CADPS: variants seen among roughly 807,000 people sequenced by gnomAD.
CADPS encodes calcium-dependent secretion activator 1.
Under a neutral mutation model 167.3 loss-of-function variants are expected in CADPS, and 57 were observed. The observed-to-expected ratio is 0.34, with a 90% CI of 0.28 to 0.42. The LOEUF is 0.42. Ranked by LOEUF, CADPS falls within the 20% of genes least tolerant of loss-of-function variation. The probability of loss-of-function intolerance (pLI) is 1.00; values close to 1 mark genes in which losing one functional copy is unlikely to be tolerated. For synonymous variants in CADPS, 676 were observed against 635.3 expected, an observed-to-expected ratio of 1.06 and a Z score of -0.96; for missense variants, 1,414 against 1,738.1, an observed-to-expected ratio of 0.81 and a Z score of 3.32.
At chr3:62,798,494 C>T (rs1576557543) in intron 1 of CADPS, among the ~76,000 whole-genome samples, 2 of 152,218 alleles carry the variant, frequency 1.3e-5, no homozygotes, top group African/African-American at 4.8e-5. Context: ...GGACTGGCTT[C>T]CTTTCTCCTC....
chr3:62,797,036 T>C (rs1004881433), intron 1 of CADPS, among the ~76,000 whole-genome samples: 1 of 152,210 alleles, frequency 6.6e-6, no homozygotes. Flanking sequence ...TTTCCTTTAT[T>C]CTAAGAGAAA....
chr3:62,712,069 A>G (rs1315192842), intron 3 of CADPS, among the ~76,000 whole-genome samples: 1 of 152,168 alleles, frequency 6.6e-6, no homozygotes, highest in Non-Finnish European at 1.5e-5. Context: ...TGACTACACA[A>G]AATTTCAACG....
At chr3:62,510,213 T>TCTATCTAC (rs2067513614) in intron 17 of CADPS, among the ~76,000 whole-genome samples, 1 of 151,748 alleles carries the variant, frequency 6.6e-6, no homozygotes, top group African/African-American at 2.4e-5. Flanking sequence ...TATCTATCTA[T>TCTATCTAC]CTATCTATCT....
chr3:62,603,198 T>C (rs939539686), intron 6 of CADPS, among the ~76,000 whole-genome samples: 2 of 152,188 alleles, frequency 1.3e-5, no homozygotes, highest in African/African-American at 4.8e-5. Context: ...GCACACTCAA[T>C]AGGCATTTGC....
At chr3:62,560,048 G>C (rs1320377383) in intron 9 of CADPS, among the ~76,000 whole-genome samples, 1 of 150,904 alleles carries the variant, frequency 6.6e-6, no homozygotes, top group Non-Finnish European at 1.5e-5. Flanking sequence ...CCCTCTTCTG[G>C]TTATATTGCT....
rs143413222 is a variant in CADPS, at chr3:62,442,465, C to T, written c.3669+3300G>A. On this transcript the variant is annotated intron_variant, in intron 27 of 29. Coordinates refer to ENST00000383710, the MANE Select transcript of CADPS (RefSeq NM_003716.4). ...AACTCCTGAACTCAGGTGATCCACC[C>T]ACCTTGGCCTCCCAAAGTGCTGGTA... Among the ~76,000 whole-genome samples the T allele has an allele frequency of 3.3e-3, 502 of 152,218 alleles. 19 individuals carry two copies. The East Asian group carries it at 0.076, about 23-fold the overall frequency.
At chr3:62,763,025 A>G (rs2085903871) in intron 2 of CADPS, among the ~76,000 whole-genome samples, 1 of 152,144 alleles carries the variant, frequency 6.6e-6, no homozygotes, top group Non-Finnish European at 1.5e-5. Flanking sequence ...TGCTGAGCAT[A>G]TATTCCCCGT....
intron 3 of CADPS, among the ~76,000 whole-genome samples, chr3:62,750,355 A>G (rs2082428952): frequency 7.3e-6 from 1 of 137,294 alleles, no homozygotes; most frequent in Admixed American, 7.1e-5. Context: ...TTAAGCTCCA[A>G]AAAAAAAAAA....
chr3:62,801,112 A>G (rs114341610), intron 1 of CADPS, among the ~76,000 whole-genome samples: 201 of 152,278 alleles, frequency 1.3e-3, no homozygotes, highest in African/African-American at 4.7e-3. Flanking sequence ...TAGAGTGGGC[A>G]TTATACCACA....
At chr3:62,855,019 G>C (rs1022299237) in intron 1 of CADPS, among the ~76,000 whole-genome samples, 10 of 151,028 alleles carry the variant, frequency 6.6e-5, no homozygotes, top group African/African-American at 2.4e-4. Context: ...CCACCTCCTG[G>C]GTTCAAGCAA....
Position 62,421,744 on chromosome 3 carries a change from A to G in CADPS, c.3777+16360T>C, listed in dbSNP as rs2051449297. Reference sequence around the variant, plus strand: ...AGATTTCATAATAATATTGTGTGTGAGGCTGGAGACGCATTTGGAGTTCTT... The same window carrying G: ...AGATTTCATAATAATATTGTGTGTGGGGCTGGAGACGCATTTGGAGTTCTT... On this transcript the variant is annotated intron_variant, in intron 28 of 29. Coordinates refer to ENST00000383710, the MANE Select transcript of CADPS (RefSeq NM_003716.4). This position sits in a 1 kb window ranked among gnomAD's most constrained non-coding sequence, Gnocchi z 4.7. Among the ~76,000 whole-genome samples the G allele has an allele frequency of 6.6e-6, 1 of 152,114 alleles. No homozygotes were observed. Among genetic ancestry groups the G allele is most frequent in the Non-Finnish European group, 1.5e-5 (1 of 68,032 alleles).
chr3:62,599,719 A>ACATACATAG (rs2059502500), intron 6 of CADPS, among the ~76,000 whole-genome samples: 1 of 47,810 alleles, frequency 2.1e-5, no homozygotes, highest in Non-Finnish European at 3.4e-5. Flanking sequence ...ATAATATATA[A>ACATACATAG]TATATATAGT....
chr3:62,406,958 A>C (rs932620378), intron 28 of CADPS, among the ~76,000 whole-genome samples: 10 of 152,222 alleles, frequency 6.6e-5, no homozygotes, highest in African/African-American at 1.9e-4. Flanking sequence ...GATCTTGGGC[A>C]AGTTACTTAT....
At position 62,668,166 on chromosome 3, in the gene CADPS, A is replaced by G. The variant is rs553998647; in HGVS notation, c.889-5772T>C. On this transcript the variant is annotated intron_variant, in intron 3 of 29. Transcript: ENST00000383710. ...ATTCAAATACACAGAAAATGTAAAC[A>G]GAAATAGGCAGATTACTTTATGCAT... Among the ~76,000 whole-genome samples the G allele has an allele frequency of 2.9e-3, 444 of 152,362 alleles. 1 individual carries two copies. The highest frequency in any genetic ancestry group is 4.9e-3 in the Non-Finnish European group (331 of 68,036).
At chr3:62,515,582 C>T (rs897241016) in intron 16 of CADPS, among the ~76,000 whole-genome samples, 9 of 152,046 alleles carry the variant, frequency 5.9e-5, no homozygotes, top group African/African-American at 2.2e-4. Flanking sequence ...GAGCTTGAAG[C>T]ACTACCAAAA....
intron 11 of CADPS, among the ~76,000 whole-genome samples, chr3:62,541,679 A>C (rs1194304807): frequency 6.6e-6 from 1 of 152,174 alleles, no homozygotes; most frequent in Non-Finnish European, 1.5e-5. Flanking sequence ...CTCTCATCTC[A>C]TTTAATCTAC....
intron 6 of CADPS, among the ~76,000 whole-genome samples, chr3:62,617,906 C>T (rs2062581089): frequency 6.6e-6 from 1 of 152,062 alleles, no homozygotes; most frequent in Non-Finnish European, 1.5e-5. Flanking sequence ...ACGTCCTTGC[C>T]CCTGCTTTTG....
At chr3:62,600,036 G>A (rs2059729720) in intron 6 of CADPS, among the ~76,000 whole-genome samples, 1 of 142,828 alleles carries the variant, frequency 7.0e-6, no homozygotes, top group African/African-American at 2.6e-5. Flanking sequence ...AACAAATTCA[G>A]AATAACCATG....
intron 4 of CADPS, among the ~76,000 whole-genome samples, chr3:62,659,393 A>G (rs1400079660): frequency 6.6e-6 from 1 of 152,180 alleles, no homozygotes; most frequent in African/African-American, 2.4e-5. Flanking sequence ...AGGCTGGTTT[A>G]GGCAAGGGGA....
Sources: gnomAD v4.1 joint callset for allele counts (sites outside exome capture counted in the v4.1 genomes callset) on GRCh38, gnomAD v4.1.1 for gene constraint, Gnocchi (gnomAD v3.1) non-coding constraint, MANE v1.5 for transcripts, NCBI Gene and HGNC (gene_info 2026-07-23, HGNC 2026-07-21) for gene names.